Variants in SLC5A9 observed in about 807,000 individuals in gnomAD.
SLC5A9 encodes the protein solute carrier family 5 member 9.
SLC5A9 carries 59 observed loss-of-function variants against 70.9 expected under a neutral mutation model. That is an observed-to-expected ratio of 0.83 (90% CI 0.68 to 1.03). The LOEUF is 1.03. Among genes scored for constraint, SLC5A9 ranks in the 50% least tolerant of loss-of-function variants. The pLI, the probability that SLC5A9 is intolerant of heterozygous loss-of-function variation, is 0.00. For synonymous variants in SLC5A9, 340 were observed against 346.5 expected, an observed-to-expected ratio of 0.98 and a Z score of 0.21; for missense variants, 832 against 881.1, an observed-to-expected ratio of 0.94 and a Z score of 0.71.
intron 8 of SLC5A9, among the ~76,000 whole-genome samples, chr1:48,232,935 AAAGAAG>A (rs200290024): frequency 2.7e-5 from 4 of 146,984 alleles, no homozygotes; most frequent in South Asian, 2.2e-4. Context: ...GAAAGAAAGA[AAAGAAG>A]AAGAAGAAGA....
At chr1:48,244,769 T>C (rs1250662039) in intron 13 of SLC5A9, among the ~76,000 whole-genome samples, 11 of 135,220 alleles carry the variant, frequency 8.1e-5, no homozygotes, top group Non-Finnish European at 1.2e-4. Context: ...TATATATAAA[T>C]TATATTTATA....
rs1334732904 is a variant in SLC5A9 at position 48,235,969 on chromosome 1, C to T, written c.1292+90C>T. 2.7e-6 allele frequency: 4 copies of T among 1,496,572 alleles called. No homozygotes were observed. The East Asian group carries it at 9.2e-5, about 34-fold the overall frequency. The allele number at this position is 1,496,572 out of a possible 1,614,324, so 92.7% of individuals were successfully genotyped here. A position where few individuals can be genotyped will look rare whatever the true frequency, so the allele number is the denominator to read the frequency against. The stretch of plus-strand genomic sequence containing the variant: ...CCTGAACAGAGGTGGCTGGGTTGGA[C>T]CCTGGACTGGCAGCCAGAGCACCGG... On this transcript the variant is annotated intron_variant, in intron 10 of 13. Transcript: ENST00000438567.
intron 1 of SLC5A9, among the ~76,000 whole-genome samples, chr1:48,223,570 C>CGGTGCCT (rs983132066): frequency 6.6e-6 from 1 of 152,150 alleles, no homozygotes; most frequent in Non-Finnish European, 1.5e-5. Flanking sequence ...GCACCTGGCA[C>CGGTGCCT]GGTGCCTGGT....
chr1:48,231,525 C>T lies in SLC5A9; in HGVS notation c.611-20C>T. 6.2e-7 allele frequency: 1 copy of T among 1,613,050 alleles called. No individual in the cohort carries two copies. Among genetic ancestry groups the T allele is most frequent in the Non-Finnish European group, 8.5e-7 (1 of 1,179,730 alleles). On this transcript the variant is annotated intron_variant, in intron 5 of 13. Transcript: ENST00000438567. Reference sequence around the variant, plus strand: ...CCCCAAACTGGTGCTGACTGATGAGCCCTCTCCTTGGGTCCCCAGGTGGCC... The same window carrying T: ...CCCCAAACTGGTGCTGACTGATGAGTCCTCTCCTTGGGTCCCCAGGTGGCC...
At chr1:48,247,234 C>A in intron 13 of SLC5A9, 101 bp from the exon 14 acceptor site, 1 of 1,083,300 alleles carries the variant, frequency 9.2e-7, no homozygotes, top group African/African-American at 1.6e-5. Context: ...CAGTATCTCA[C>A]CATCTCTCTC....
intron 2 of SLC5A9, among the ~76,000 whole-genome samples, chr1:48,227,134 C>T (rs1014162498): frequency 2.7e-5 from 4 of 146,028 alleles, no homozygotes; most frequent in South Asian, 2.2e-4. Context: ...TGTATGTGTG[C>T]GACGGTGCAA....
At chr1:48,226,050 T>C (rs1404527583) in intron 2 of SLC5A9, among the ~76,000 whole-genome samples, 1 of 152,050 alleles carries the variant, frequency 6.6e-6, no homozygotes, top group African/African-American at 2.4e-5. Context: ...CAGGAAGAAG[T>C]AGGAGCAGGG....
rs777949734 is a variant in SLC5A9 at position 48,233,711 on chromosome 1, G to T, written c.1090G>T (p.Gly364Ter). 1.4e-5 allele frequency: 22 copies of T among 1,614,070 alleles called. 1 individual carries two copies. The highest frequency in any genetic ancestry group is 1.6e-5 in the Non-Finnish European group (19 of 1,180,010). Residue 364 changes from glycine (G) to a stop codon, truncating the protein, a stop_gained, in exon 9 of 14, where the codon GGA becomes TGA. Coordinates refer to ENST00000438567, the MANE Select transcript of SLC5A9 (RefSeq NM_001011547.3). LOFTEE classifies it high-confidence loss of function. ...CCAAAGAATCTGTGGGGCCCGAGTGGGATGTTCCAACATTGCCTACCCTAA... is the reference window on the plus strand; with the variant it reads ...CCAAAGAATCTGTGGGGCCCGAGTGTGATGTTCCAACATTGCCTACCCTAA... ...VCQRICGARVGCSNIAYPKLV... is the reference protein window; with the variant it reads ...VCQRICGARV
intron 5 of SLC5A9, 106 bp from the exon 6 acceptor site, chr1:48,231,439 G>A: frequency 1.5e-6 from 2 of 1,362,122 alleles, no homozygotes; most frequent in Non-Finnish European, 2.0e-6. Context: ...TGCTAAGAGG[G>A]CTGTGTGTCT....
Position 48,235,809 on chromosome 1 carries a change from C to A in SLC5A9, c.1222C>A (p.Leu408Met). The A allele has an allele frequency of 6.2e-7, 1 of 1,614,250 alleles. No individual in the cohort carries two copies. ...CTCCATCTTCAACAGCAGCAGCACC[C>A]TGTTCACCATTGATGTGTGGCAGCG... is the stretch of plus-strand genomic sequence containing the variant. ...LTSIFNSSST[L>M]FTIDVWQRFR... Residue 408 changes from leucine (L) to methionine (M), a missense_variant, in exon 10 of 14, where the codon CTG becomes ATG. By Grantham distance (15) the Leu-to-Met change is conservative (BLOSUM62 2). Coordinates refer to ENST00000438567, the MANE Select transcript of SLC5A9 (RefSeq NM_001011547.3).
rs1644322306 is a variant in SLC5A9 at position 48,236,022 on chromosome 1, TC to T, written c.1292+144del. 3.3e-6 allele frequency: 3 copies of T among 903,576 alleles called. No homozygotes were observed. In the African/African-American group the frequency reaches 4.9e-5, roughly 15 times the overall value. The allele number at this position is 903,576 out of a possible 1,614,324, so 56.0% of individuals were successfully genotyped here. On this transcript the variant is annotated intron_variant, in intron 10 of 13. Coordinates refer to ENST00000438567, the MANE Select transcript of SLC5A9 (RefSeq NM_001011547.3). ...TCAAGCTCCAGCTCTCCACATGATT[TC>T]AAGTAAGTCCTTCGCCAACCCTGGA...
Position 48,237,842 on chromosome 1 carries a change from G to C in SLC5A9, c.1456G>C (p.Glu486Gln), listed in dbSNP as rs144046578. The change falls in exon 11 of 14, where the codon GAG becomes CAG. Residue 486 changes from glutamate to glutamine, a missense_variant. Physicochemically the swap from Glu to Gln is conservative, Grantham distance 29. Transcript: ENST00000438567. ...GGCCATCTTCTGCAAGAGGGTCACA[G>C]AGCCCGTGAGTGCAGTGTACCTGTC... The part of the protein sequence containing the change: ...LLAIFCKRVT[E>Q]PGAFWGLVFG... 6.6e-5 allele frequency: 107 copies of C among 1,613,966 alleles called. No individual in the cohort carries two copies. The highest frequency in any genetic ancestry group is 3.3e-4 in the Middle Eastern group (2 of 6,084).
In SLC5A9 at chr1:48,247,811, A is replaced by C. The variant is rs1359776053; in HGVS notation, c.*268A>C. On this transcript the variant is annotated 3_prime_UTR_variant, in exon 14 of 14. Transcript: ENST00000438567. Reference sequence around the variant, plus strand: ...TTCTGATATATTGCCTTACAGACCTACCTCAAACACACTGTTTCCACCCTC... The same window carrying C: ...TTCTGATATATTGCCTTACAGACCTCCCTCAAACACACTGTTTCCACCCTC... The C allele has an allele frequency of 7.8e-6, 4 of 514,568 alleles. No homozygotes were observed. The highest frequency in any genetic ancestry group is 1.4e-5 in the Non-Finnish European group (4 of 285,058). 31.9% of individuals were successfully genotyped at this position (514,568 alleles called of 1,614,324 possible). A position where few individuals can be genotyped will look rare whatever the true frequency, so the allele number is the denominator to read the frequency against.
chr1:48,244,771 A>ATATTTATATTATATATAAATTATAT (rs1440999333), intron 13 of SLC5A9, among the ~76,000 whole-genome samples: 1 of 135,412 alleles, frequency 7.4e-6, no homozygotes, highest in East Asian at 2.0e-4. Flanking sequence ...TATATAAATT[A>ATATTTATATTATATATAAATTATAT]TATTTATATT....
chr1:48,237,853 T>G lies in SLC5A9; in HGVS notation c.1461+6T>G, dbSNP rs769189846. On this transcript the variant is annotated splice_donor_region_variant and intron_variant, in intron 11 of 13. Transcript: ENST00000438567. ...GCAAGAGGGTCACAGAGCCCGTGAG[T>G]GCAGTGTACCTGTCTCTCACATACA... 6.2e-7 allele frequency: 1 copy of G among 1,613,854 alleles called. No homozygotes were observed. The highest frequency in any genetic ancestry group is 8.5e-7 in the Non-Finnish European group (1 of 1,179,876).
chr1:48,235,719 C>T lies in SLC5A9; in HGVS notation c.1142-10C>T, dbSNP rs887573827. 1.9e-6 allele frequency: 3 copies of T among 1,614,012 alleles called. No individual in the cohort carries two copies. The highest frequency in any genetic ancestry group is 2.5e-6 in the Non-Finnish European group (3 of 1,179,994). ...GGCCAGCCGTTCACATGAGCCTCGT[C>T]TCTCCCCAGGTCTGCGGGGGCTGAT... On this transcript the variant is annotated splice_polypyrimidine_tract_variant and intron_variant, in intron 9 of 13. Coordinates refer to ENST00000438567, the MANE Select transcript of SLC5A9 (RefSeq NM_001011547.3).
intron 9 of SLC5A9, among the ~76,000 whole-genome samples, chr1:48,235,181 A>C (rs2148578579): frequency 6.6e-6 from 1 of 152,302 alleles, no homozygotes; most frequent in South Asian, 2.1e-4. Flanking sequence ...GAGCTAGTCC[A>C]AGGATCATAC....
rs959450372 is a variant in SLC5A9 at position 48,241,841 on chromosome 1, A to G, written c.1678-616A>G. ...GCACCACTACATGTCTGGTCACCCA[A>G]GGCAGGAACCCTGGAGCCATATTAG... On this transcript the variant is annotated intron_variant, in intron 12 of 13. Transcript: ENST00000438567. 2.5e-5 allele frequency: 11 copies of G among 440,788 alleles called. No homozygotes were observed. The East Asian group carries it at 7.7e-4, about 31-fold the overall frequency. The allele number at this position is 440,788 out of a possible 1,614,324, so 27.3% of individuals were successfully genotyped here. A position where few individuals can be genotyped will look rare whatever the true frequency, so the allele number is the denominator to read the frequency against.
At chr1:48,244,878 G>GTATGTGTATATATA (rs1553132215) in intron 13 of SLC5A9, among the ~76,000 whole-genome samples, 1 of 29,418 alleles carries the variant, frequency 3.4e-5, no homozygotes, top group African/African-American at 8.4e-5. Flanking sequence ...ATGTGTATGT[G>GTATGTGTATATATA]TATATATATA....
Sources: allele counts gnomAD v4.1 joint callset (sites outside exome capture counted in the v4.1 genomes callset), GRCh38; gene constraint gnomAD v4.1.1; transcripts MANE v1.5; gene names NCBI Gene and HGNC (gene_info 2026-07-23, HGNC 2026-07-21).